CHCHD3: variants seen among roughly 807,000 people sequenced by gnomAD.
CHCHD3 encodes coiled-coil-helix-coiled-coil-helix domain containing 3.
A neutral mutation model predicts 38.2 loss-of-function variants in CHCHD3; 20 were observed. That is an observed-to-expected ratio of 0.52 (90% CI 0.37 to 0.76). CHCHD3 has a LOEUF of 0.76. CHCHD3 is among the 30% of genes least tolerant of loss of function. The pLI, the probability that CHCHD3 is intolerant of heterozygous loss-of-function variation, is 0.00. For synonymous variants in CHCHD3, 82 were observed against 100.0 expected, an observed-to-expected ratio of 0.82 and a Z score of 1.07; for missense variants, 245 against 279.2, an observed-to-expected ratio of 0.88 and a Z score of 0.87.
intron 4 of CHCHD3, among the ~76,000 whole-genome samples, chr7:132,942,028 T>A (rs1359631955): frequency 6.6e-6 from 1 of 152,140 alleles, no homozygotes; most frequent in Non-Finnish European, 1.5e-5. Flanking sequence ...AAGGAATATA[T>A]TCAGAAAGCA....
intron 5 of CHCHD3, among the ~76,000 whole-genome samples, chr7:132,841,958 C>T (rs1253962758): frequency 5.3e-5 from 8 of 151,812 alleles, no homozygotes; most frequent in African/African-American, 1.2e-4. Flanking sequence ...ATTAGCCAGG[C>T]GTGGTGGCTC....
intron 3 of CHCHD3, among the ~76,000 whole-genome samples, chr7:132,977,907 T>G (rs1353703045): frequency 3.3e-5 from 5 of 152,118 alleles, no homozygotes; most frequent in Non-Finnish European, 7.4e-5. Context: ...AAGCAAAACA[T>G]GAGCACAAAA....
intron 3 of CHCHD3, among the ~76,000 whole-genome samples, chr7:133,009,120 T>A (rs1409916618): frequency 2.6e-5 from 4 of 151,642 alleles, no homozygotes; most frequent in Non-Finnish European, 4.4e-5. Flanking sequence ...TCCCAGCACT[T>A]TGGGAGGCCA....
Position 132,820,619 on chromosome 7 carries a change from T to TG in CHCHD3, c.524+17779_524+17780insC, listed in dbSNP as rs1434174263. ...TGGGAAAATGTGCTAGTGTTTTTTTTTTTTTTTTTTTTTTTTTATTGCCCC... is the reference window on the plus strand; with the variant it reads ...TGGGAAAATGTGCTAGTGTTTTTTTTGTTTTTTTTTTTTTTTTTATTGCCCC... On this transcript the variant is annotated intron_variant, in intron 6 of 7. Transcript: ENST00000262570. Among the ~76,000 whole-genome samples the TG allele has an allele frequency of 8.7e-5, 13 of 150,116 alleles. No individual in the cohort carries two copies. The South Asian group carries it at 1.7e-3, about 20-fold the overall frequency.
intron 7 of CHCHD3, 32 bp downstream of exon 7, chr7:132,796,410 A>G: frequency 1.9e-6 from 3 of 1,611,184 alleles, no homozygotes. Context: ...CAATTTGCCC[A>G]GTGCCCCCAG....
intron 6 of CHCHD3, among the ~76,000 whole-genome samples, chr7:132,804,637 A>G (rs1259103186): frequency 3.3e-5 from 5 of 152,230 alleles, no homozygotes; most frequent in Non-Finnish European, 5.9e-5. Flanking sequence ...GGACTGTGAC[A>G]CATTCTAAAA....
In CHCHD3 at chr7:132,956,182, A is replaced by C. The variant is rs912574760; in HGVS notation, c.369+18987T>G. On this transcript the variant is annotated intron_variant, in intron 4 of 7. Transcript: ENST00000262570. Reference sequence around the variant, plus strand: ...CAACATTAAGGCTTCCCTGAATCTGAAGCCTGTTGGCCTGCCCTGAAGATT... The same window carrying C: ...CAACATTAAGGCTTCCCTGAATCTGCAGCCTGTTGGCCTGCCCTGAAGATT... Among the ~76,000 whole-genome samples the C allele has an allele frequency of 1.6e-4, 25 of 152,230 alleles. 1 individual carries two copies. The highest frequency in any genetic ancestry group is 1.5e-5 in the Non-Finnish European group (1 of 68,030).
intron 1 of CHCHD3, among the ~76,000 whole-genome samples, chr7:133,073,914 C>T (rs141882417): frequency 6.8e-4 from 103 of 152,302 alleles, no homozygotes; most frequent in African/African-American, 2.2e-3. Flanking sequence ...CATCTCCTTG[C>T]CTTTACACAC....
chr7:133,027,442 GAGGGA>G (rs1435344206), intron 2 of CHCHD3, among the ~76,000 whole-genome samples: 33 of 130,312 alleles, frequency 2.5e-4, no homozygotes, highest in African/African-American at 7.0e-4. Flanking sequence ...GGGAGGGAGG[GAGGGA>G]GGGGGGGAGA....
At chr7:132,956,207 T>C (rs1047990656) in intron 4 of CHCHD3, among the ~76,000 whole-genome samples, 2 of 152,204 alleles carry the variant, frequency 1.3e-5, no homozygotes, top group African/African-American at 4.8e-5. Flanking sequence ...CCCTGAAGAT[T>C]ACAGACTTGA....
intron 5 of CHCHD3, among the ~76,000 whole-genome samples, chr7:132,884,487 T>C (rs1809154742): frequency 6.6e-6 from 1 of 152,164 alleles, no homozygotes; most frequent in African/African-American, 2.4e-5. Context: ...ATCTGCTACA[T>C]GAATGAGAAA....
intron 6 of CHCHD3, 103 bp downstream of exon 6, chr7:132,838,296 C>T (rs767485027): frequency 4.2e-6 from 3 of 717,426 alleles, no homozygotes; most frequent in Non-Finnish European, 7.0e-6. Context: ...TCCAAGTATT[C>T]TAGAGTGCTA....
chr7:132,793,015 C>A (rs1246915220), intron 7 of CHCHD3, among the ~76,000 whole-genome samples: 2 of 152,278 alleles, frequency 1.3e-5, no homozygotes, highest in African/African-American at 4.8e-5. Context: ...GACAGCAAAC[C>A]CTTTCGACAC....
chr7:133,034,394 T>C (rs1008032241), intron 2 of CHCHD3, among the ~76,000 whole-genome samples: 1 of 151,878 alleles, frequency 6.6e-6, no homozygotes, highest in Non-Finnish European at 1.5e-5. Context: ...TATTAAACTA[T>C]CTAGAATAAA....
At chr7:132,981,160 G>T (rs1488349694) in intron 3 of CHCHD3, among the ~76,000 whole-genome samples, 1 of 150,642 alleles carries the variant, frequency 6.6e-6, no homozygotes, top group Non-Finnish European at 1.5e-5. Flanking sequence ...TGATTTTTGG[G>T]TTGTTTTTTT....
intron 6 of CHCHD3, among the ~76,000 whole-genome samples, chr7:132,825,642 C>T (rs1288850004): frequency 6.6e-6 from 1 of 152,184 alleles, no homozygotes; most frequent in Non-Finnish European, 1.5e-5. Flanking sequence ...GGAGGTGTTA[C>T]GAATGTAAAT....
At chr7:132,997,146 G>C (rs1246092774) in intron 3 of CHCHD3, among the ~76,000 whole-genome samples, 3 of 152,154 alleles carry the variant, frequency 2.0e-5, no homozygotes, top group Non-Finnish European at 4.4e-5. Context: ...TCTGCCAGCA[G>C]GAATTCACTA....
In CHCHD3 at chr7:132,941,602, A is replaced by C. The variant is rs75938648; in HGVS notation, c.369+33567T>G. 1.2e-4 allele frequency among the ~76,000 whole-genome samples: 19 copies of C among 152,268 alleles called. No individual in the cohort carries two copies. The East Asian group carries it at 3.7e-3, about 29-fold the overall frequency. ...ACTTCCTGGTTATACTGGGTTCCTT[A>C]TATTACTGGCAACACCAAAAATGAG... On this transcript the variant is annotated intron_variant, in intron 4 of 7. Coordinates refer to ENST00000262570, the MANE Select transcript of CHCHD3 (RefSeq NM_017812.4).
intron 4 of CHCHD3, among the ~76,000 whole-genome samples, chr7:132,924,629 TC>T (rs1290504965): frequency 6.6e-6 from 1 of 152,200 alleles, no homozygotes; most frequent in Admixed American, 6.5e-5. Flanking sequence ...TTCAAAATTT[TC>T]ATGATGCCAG....
Sources: gnomAD v4.1 joint callset for allele counts (sites outside exome capture counted in the v4.1 genomes callset) on GRCh38, gnomAD v4.1.1 for gene constraint, MANE v1.5 for transcripts, NCBI Gene and HGNC (gene_info 2026-07-23, HGNC 2026-07-21) for gene names.